Variants in ROBO2 observed in about 807,000 individuals in gnomAD.
The protein encoded by ROBO2 is roundabout homolog 2.
In ROBO2, 53 loss-of-function variants were observed where a neutral mutation model predicts 160.8. The ratio of observed to expected loss-of-function variants is 0.33; its 90% CI spans 0.26 to 0.41. The LOEUF is 0.41. Ranked by LOEUF, ROBO2 falls within the 10% of genes least tolerant of loss-of-function variation. The pLI, the probability that ROBO2 is intolerant of heterozygous loss-of-function variation, is 1.00. For synonymous variants in ROBO2, 664 were observed against 611.7 expected, an observed-to-expected ratio of 1.09 and a Z score of -1.26; for missense variants, 1,577 against 1,722.4, an observed-to-expected ratio of 0.92 and a Z score of 1.49.
chr3:77,564,534 G>C, intron 11 of ROBO2: 1 of 451,546 alleles, frequency 2.2e-6, no homozygotes, highest in South Asian at 1.6e-5. Flanking sequence ...AAAATGTATT[G>C]GCATAATTTA....
intron 2 of ROBO2, among the ~76,000 whole-genome samples, chr3:76,671,192 T>C (rs910414566): frequency 3.9e-5 from 6 of 152,008 alleles, no homozygotes; most frequent in African/African-American, 9.7e-5. Flanking sequence ...TTTACATATA[T>C]TACTCTATTA....
At chr3:76,390,811 T>C (rs1322127476) in intron 2 of ROBO2, among the ~76,000 whole-genome samples, 1 of 152,162 alleles carries the variant, frequency 6.6e-6, no homozygotes, top group Non-Finnish European at 1.5e-5. Flanking sequence ...GCAACTTCTG[T>C]ATTGTGGATT....
chr3:76,537,133 A>G (rs1338052497), intron 2 of ROBO2, among the ~76,000 whole-genome samples: 1 of 152,088 alleles, frequency 6.6e-6, no homozygotes, highest in Non-Finnish European at 1.5e-5. Context: ...GGGAGGATTC[A>G]GAGGACTCTG....
chr3:77,193,329 G>T (rs900351342), intron 2 of ROBO2, among the ~76,000 whole-genome samples: 12 of 151,876 alleles, frequency 7.9e-5, no homozygotes, highest in African/African-American at 2.9e-4. Flanking sequence ...AGACCAGGTT[G>T]TAGTGCAGTG....
rs529082175 is a variant in ROBO2 at position 77,642,126 on chromosome 3, G to A, written c.3935-2578G>A. Among the ~76,000 whole-genome samples, 12 of 152,280 alleles carry A rather than the reference G, an allele frequency of 7.9e-5. No homozygotes were observed. The East Asian group carries it at 1.9e-3, about 24-fold the overall frequency. On this transcript the variant is annotated intron_variant, in intron 24 of 25. Transcript: ENST00000461745. ...TTGGTTGTCAAGCAGAATATTAATT[G>A]CATTTAATAAATGTTAGTTTAATGT...
intron 2 of ROBO2, among the ~76,000 whole-genome samples, chr3:77,223,430 T>C (rs773009186): frequency 1.1e-4 from 17 of 152,106 alleles, no homozygotes; most frequent in Non-Finnish European, 2.1e-4. Flanking sequence ...ATTTTTCTTT[T>C]TCAGTTGATG....
In ROBO2 at chr3:77,460,480, G is replaced by A. The variant is rs575122454; in HGVS notation, c.389-16934G>A. On this transcript the variant is annotated intron_variant, in intron 2 of 25. Coordinates refer to ENST00000461745, the Ensembl canonical transcript of ROBO2. ...CAGCATGGAGGCAGAACCAGCAGGGGTTCACTCAGAAGAATGTGTGGCTGG... is the reference window on the plus strand; with the variant it reads ...CAGCATGGAGGCAGAACCAGCAGGGATTCACTCAGAAGAATGTGTGGCTGG... Among the ~76,000 whole-genome samples the A allele has an allele frequency of 2.6e-5, 4 of 152,080 alleles. No homozygotes were observed. The South Asian group carries it at 6.2e-4, about 24-fold the overall frequency.
At chr3:77,191,331 A>T (rs576653371) in intron 2 of ROBO2, among the ~76,000 whole-genome samples, 1 of 152,244 alleles carries the variant, frequency 6.6e-6, no homozygotes, top group African/African-American at 2.4e-5. Context: ...TGGTTAGTCC[A>T]GTAGAGAGCC....
chr3:77,409,556 C>T (rs1052042475), intron 2 of ROBO2, among the ~76,000 whole-genome samples: 3 of 151,992 alleles, frequency 2.0e-5, no homozygotes, highest in Non-Finnish European at 2.9e-5. Flanking sequence ...GGGATGAGTG[C>T]CCCGAGAGAA....
At chr3:76,705,366 T>C (rs961136269) in intron 2 of ROBO2, among the ~76,000 whole-genome samples, 1 of 152,138 alleles carries the variant, frequency 6.6e-6, no homozygotes, top group African/African-American at 2.4e-5. Flanking sequence ...AACAAGATTT[T>C]AAAAGGACAA....
chr3:76,455,447 G>GA (rs1228609860), intron 2 of ROBO2, among the ~76,000 whole-genome samples: 1 of 151,692 alleles, frequency 6.6e-6, no homozygotes, highest in Non-Finnish European at 1.5e-5. Flanking sequence ...TCCTAATTTA[G>GA]AAAAAATAAA....
chr3:76,488,130 T>A (rs1400505979), intron 2 of ROBO2, among the ~76,000 whole-genome samples: 1 of 152,118 alleles, frequency 6.6e-6, no homozygotes, highest in East Asian at 1.9e-4. Flanking sequence ...TTGCATTAGT[T>A]TTCTATTGCT....
intron 2 of ROBO2, among the ~76,000 whole-genome samples, chr3:77,452,231 A>T (rs2081193305): frequency 6.6e-6 from 1 of 152,222 alleles, no homozygotes; most frequent in Non-Finnish European, 1.5e-5. Context: ...TCATTTGCAA[A>T]GTATCATACT....
Position 76,222,078 on chromosome 3 carries a change from C to T in ROBO2, c.109+284476C>T, listed in dbSNP as rs189102009. Among the ~76,000 whole-genome samples, 8 of 152,246 alleles carry T rather than the reference C, an allele frequency of 5.3e-5. No homozygotes were observed. In the East Asian group the frequency reaches 1.5e-3, roughly 29 times the overall value. ...CTGCCAGTGGTGGCCATAGCTAGGT[C>T]AGCCTTGGTGAGTGGAAACCTATGT... On this transcript the variant is annotated intron_variant, in intron 2 of 26. Coordinates refer to the ROBO2 transcript ENST00000487694.
In ROBO2 at chr3:76,132,404, G is replaced by T. The variant is rs1019523504; in HGVS notation, c.109+194802G>T. On this transcript the variant is annotated intron_variant, in intron 2 of 26. Coordinates refer to the ROBO2 transcript ENST00000487694. ...CAAATTCCAGACTGTTGGGGGGGGG[G>T]GGGGACGCAGATGTTCAGCATAAAC... Among the ~76,000 whole-genome samples the T allele has an allele frequency of 3.7e-5, 5 of 133,522 alleles. 1 individual carries two copies. The highest frequency in any genetic ancestry group is 7.3e-5 in the Admixed American group (1 of 13,626). The allele number at this position is 133,522 out of a possible 152,430, so 87.6% of individuals were successfully genotyped here. A position where few individuals can be genotyped will look rare whatever the true frequency, so the allele number is the denominator to read the frequency against.
intron 2 of ROBO2, among the ~76,000 whole-genome samples, chr3:76,861,068 C>T (rs2070728219): frequency 1.3e-5 from 2 of 152,138 alleles, no homozygotes; most frequent in Non-Finnish European, 2.9e-5. Flanking sequence ...AGCCCTCTTC[C>T]CTCTGCAACA....
exon 1 of ROBO2, chr3:77,040,128 G>C: frequency 2.0e-6 from 2 of 981,188 alleles, no homozygotes; most frequent in Non-Finnish European, 2.4e-6. Context: ...CACCCGAATC[G>C]TCCTGATTTC....
At chr3:76,732,674 A>T (rs1004355963) in intron 2 of ROBO2, among the ~76,000 whole-genome samples, 3 of 152,188 alleles carry the variant, frequency 2.0e-5, no homozygotes, top group African/African-American at 7.2e-5. Flanking sequence ...AGAAAGGAAC[A>T]CAAGCATTAG....
At chr3:76,443,437 G>A (rs766563412) in intron 2 of ROBO2, among the ~76,000 whole-genome samples, 3 of 151,904 alleles carry the variant, frequency 2.0e-5, no homozygotes, top group African/African-American at 4.8e-5. Flanking sequence ...GTATACGTAG[G>A]GACTATTTTA....
Sources: allele counts gnomAD v4.1 joint callset (sites outside exome capture counted in the v4.1 genomes callset), GRCh38; gene constraint gnomAD v4.1.1; transcripts MANE v1.5; gene names NCBI Gene and HGNC (gene_info 2026-07-23, HGNC 2026-07-21).